Variants in NDNF observed in about 807,000 individuals in gnomAD.
NDNF encodes the protein protein NDNF.
In NDNF, 16 loss-of-function variants were observed where a neutral mutation model predicts 42.0. The observed-to-expected ratio is 0.38, with a 90% CI of 0.26 to 0.58. The LOEUF (loss-of-function observed/expected upper bound fraction) is 0.58. Among genes scored for constraint, NDNF ranks in the 20% least tolerant of loss-of-function variants. The pLI, the probability that NDNF is intolerant of heterozygous loss-of-function variation, is 0.67. For synonymous variants in NDNF, 248 were observed against 251.7 expected (o/e 0.99, Z 0.14); for missense variants, 616 against 666.2 (o/e 0.92, Z 0.83).
At chr4:121,061,993 A>G (rs1217242350) in intron 1 of NDNF, among the ~76,000 whole-genome samples, 1 of 152,210 alleles carries the variant, frequency 6.6e-6, no homozygotes, top group African/African-American at 2.4e-5. Flanking sequence ...TTAAAATTAA[A>G]AAGGTTCTAT....
At chr4:121,042,497 T>C (rs1183911745) in intron 2 of NDNF, among the ~76,000 whole-genome samples, 1 of 152,186 alleles carries the variant, frequency 6.6e-6, no homozygotes, top group Non-Finnish European at 1.5e-5. Flanking sequence ...TAAACAATCA[T>C]CTAGACAAAA....
intron 1 of NDNF, among the ~76,000 whole-genome samples, chr4:121,058,280 G>C (rs1478664662): frequency 6.6e-6 from 1 of 152,116 alleles, no homozygotes; most frequent in Non-Finnish European, 1.5e-5. Context: ...AAGAAGTTAG[G>C]GGCGGCTGTT....
intron 2 of NDNF, among the ~76,000 whole-genome samples, chr4:121,044,147 CT>C (rs1454335353): frequency 1.3e-5 from 2 of 152,176 alleles, no homozygotes; most frequent in African/African-American, 2.4e-5. Flanking sequence ...CAATAGTTCA[CT>C]CTAGTTAATG....
Position 121,036,753 on chromosome 4 carries a change from C to T in NDNF, c.1218G>A (p.Gln406=). The change falls in exon 4 of 4, where the codon CAG becomes CAA. Residue 406 remains glutamine, a synonymous_variant. Transcript: ENST00000379692. ...LLSQNVEGIQ[Q]FQLRGKPKAK... ...CTTTAGGTTTTCCTCTAAGCTGAAA[C>T]TGCTGAATGCCTTCCACATTCTGAG... 1 of 1,614,126 alleles carries T rather than the reference C, an allele frequency of 6.2e-7. No individual in the cohort carries two copies. Among genetic ancestry groups the T allele is most frequent in the Non-Finnish European group, 8.5e-7 (1 of 1,180,026 alleles).
At chr4:121,040,961 G>A (rs1364649492) in intron 2 of NDNF, among the ~76,000 whole-genome samples, 1 of 152,120 alleles carries the variant, frequency 6.6e-6, no homozygotes, top group Admixed American at 6.5e-5. Flanking sequence ...ATATCTTTTG[G>A]AATCGCATTA....
rs767608563 is a variant in NDNF at position 121,036,616 on chromosome 4, CT to C, written c.1354del (p.Arg452GlufsTer19). 1.2e-6 allele frequency: 2 copies of C among 1,614,126 alleles called. No homozygotes were observed. Among genetic ancestry groups the C allele is most frequent in the South Asian group, 2.2e-5 (2 of 91,076 alleles). On this transcript the variant is annotated frameshift_variant, in exon 4 of 4. Transcript: ENST00000379692. LOFTEE classifies it high-confidence loss of function. ...QSFPSLPEDTRIKAFDKLRTC... is the reference protein window; with the variant it reads ...QSFPSLPEDTXIKAFDKLRTC... ...ACGGAGCTTGTCAAAGGCTTTGATT[CT>C]TGTGTCTTCAGGAAGAGAGGGAAAT... is the stretch of plus-strand genomic sequence containing the variant.
chr4:121,056,020 G>C (rs1297711476), intron 1 of NDNF, among the ~76,000 whole-genome samples: 1 of 152,142 alleles, frequency 6.6e-6, no homozygotes, highest in East Asian at 1.9e-4. Context: ...AAGAAAATCT[G>C]ACAAGAAAAT....
At chr4:121,071,103 A>T (rs954480188) in intron 1 of NDNF, among the ~76,000 whole-genome samples, 1 of 151,826 alleles carries the variant, frequency 6.6e-6, no homozygotes, top group Admixed American at 6.6e-5. Flanking sequence ...ACCTGCAATC[A>T]CTCGTTCGGA....
At chr4:121,043,389 A>G (rs1015354027) in intron 2 of NDNF, among the ~76,000 whole-genome samples, 1 of 152,104 alleles carries the variant, frequency 6.6e-6, no homozygotes, top group Non-Finnish European at 1.5e-5. Flanking sequence ...TACATATTTC[A>G]CCCCTAGAAA....
At chr4:121,062,658 C>G (rs13137605) in intron 1 of NDNF, among the ~76,000 whole-genome samples, 101,692 of 152,100 alleles carry the variant, frequency 0.67, 37,093 homozygotes, top group Non-Finnish European at 0.82. Context: ...TCCTTTCCCC[C>G]CCAAGGAAGT....
intron 1 of NDNF, among the ~76,000 whole-genome samples, chr4:121,066,657 A>ATTT: frequency 6.6e-6 from 1 of 152,304 alleles, no homozygotes; most frequent in Non-Finnish European, 1.5e-5. Context: ...CAAAAACAAG[A>ATTT]TGTCATATTT....
At chr4:121,043,543 A>C (rs1347114619) in intron 2 of NDNF, among the ~76,000 whole-genome samples, 1 of 152,176 alleles carries the variant, frequency 6.6e-6, no homozygotes, top group Non-Finnish European at 1.5e-5. Context: ...TGAATAAATG[A>C]GAGAAATAAA....
intron 1 of NDNF, among the ~76,000 whole-genome samples, chr4:121,064,099 T>C (rs1382942962): frequency 6.6e-6 from 1 of 152,220 alleles, no homozygotes. Context: ...GACAAATTAA[T>C]GTGGCAACTA....
At chr4:121,061,689 A>C (rs1228091306) in intron 1 of NDNF, among the ~76,000 whole-genome samples, 1 of 152,002 alleles carries the variant, frequency 6.6e-6, no homozygotes, top group Non-Finnish European at 1.5e-5. Context: ...CGATTATGTA[A>C]TTTTTATTAT....
chr4:121,055,102 G>C (rs1487270444), intron 1 of NDNF, among the ~76,000 whole-genome samples: 1 of 152,114 alleles, frequency 6.6e-6, no homozygotes, highest in Non-Finnish European at 1.5e-5. Flanking sequence ...CCAAAGTGCT[G>C]GGATTACAGG....
chr4:121,052,462 C>A (rs945865579), intron 1 of NDNF, among the ~76,000 whole-genome samples: 1 of 152,130 alleles, frequency 6.6e-6, no homozygotes, highest in Non-Finnish European at 1.5e-5. Context: ...GAATGGTCTG[C>A]CACAGAGATT....
intron 1 of NDNF, among the ~76,000 whole-genome samples, chr4:121,059,547 G>T (rs533695124): frequency 6.6e-6 from 1 of 152,364 alleles, no homozygotes; most frequent in Non-Finnish European, 1.5e-5. Flanking sequence ...CTGCCATACA[G>T]TGATGGCATG....
chr4:121,045,512 C>T, intron 2 of NDNF, 138 bp downstream of exon 2: 1 of 660,780 alleles, frequency 1.5e-6, no homozygotes, highest in Middle Eastern at 4.0e-4. Context: ...TGCCATGTTC[C>T]CCCTTACTTA....
intron 1 of NDNF, among the ~76,000 whole-genome samples, chr4:121,047,576 T>C (rs1343822823): frequency 6.6e-6 from 1 of 152,240 alleles, no homozygotes; most frequent in Non-Finnish European, 1.5e-5. Context: ...CCCACTCTTA[T>C]TTCTTAATTG....
Sources: gnomAD v4.1 joint callset for allele counts (sites outside exome capture counted in the v4.1 genomes callset) on GRCh38, gnomAD v4.1.1 for gene constraint, MANE v1.5 for transcripts, NCBI Gene and HGNC (gene_info 2026-07-23, HGNC 2026-07-21) for gene names.